FBXO15: variants seen among roughly 807,000 people sequenced by gnomAD.
The protein encoded by FBXO15 is F-box protein 15.
A neutral mutation model predicts 49.5 loss-of-function variants in FBXO15; 30 were observed. That is an observed-to-expected ratio of 0.61 (90% CI 0.45 to 0.82). FBXO15 has a LOEUF of 0.82. Ranked by LOEUF, FBXO15 falls within the 40% of genes least tolerant of loss-of-function variation. The probability of loss-of-function intolerance (pLI) is 0.00; values close to 1 mark genes in which losing one functional copy is unlikely to be tolerated. For missense variants in FBXO15, 591 were observed against 631.5 expected (o/e 0.94, Z 0.69); for synonymous variants, 250 against 232.7 (o/e 1.07, Z -0.68).
chr18:74,111,600 C>A (rs1017514153), intron 8 of FBXO15, among the ~76,000 whole-genome samples: 5 of 151,840 alleles, frequency 3.3e-5, no homozygotes, highest in African/African-American at 1.2e-4. Flanking sequence ...CTGAAATCAA[C>A]AATGTAAGCT....
chr18:74,105,574 G>T (rs543677005), intron 8 of FBXO15, among the ~76,000 whole-genome samples: 2 of 151,796 alleles, frequency 1.3e-5, no homozygotes, highest in South Asian at 4.2e-4. Context: ...TGAGTAGCTG[G>T]GATTACAGGT....
At chr18:74,090,206 A>G (rs563918261) in intron 8 of FBXO15, among the ~76,000 whole-genome samples, 3 of 152,294 alleles carry the variant, frequency 2.0e-5, no homozygotes, top group Non-Finnish European at 4.4e-5. Context: ...TTACGTGCAT[A>G]GAGGTGCTCA....
At chr18:74,142,851 A>G (rs1009595315) in intron 1 of FBXO15, among the ~76,000 whole-genome samples, 1 of 152,232 alleles carries the variant, frequency 6.6e-6, no homozygotes, top group African/African-American at 2.4e-5. Context: ...CAGTAAACAA[A>G]TTTGTAATAC....
At chr18:74,079,669 T>C (rs1912404733) in intron 9 of FBXO15, among the ~76,000 whole-genome samples, 1 of 152,248 alleles carries the variant, frequency 6.6e-6, no homozygotes, top group Non-Finnish European at 1.5e-5. Flanking sequence ...TAAAGTTTAA[T>C]AATTTACCAC....
chr18:74,100,099 A>G (rs1913444379), intron 8 of FBXO15: 1 of 152,222 alleles, frequency 6.6e-6, no homozygotes, highest in Admixed American at 6.5e-5. Flanking sequence ...TATACCCAGC[A>G]ACCACAGAAT....
chr18:74,078,945 T>G (rs1017635999), intron 9 of FBXO15, among the ~76,000 whole-genome samples: 1 of 152,198 alleles, frequency 6.6e-6, no homozygotes, highest in African/African-American at 2.4e-5. Context: ...GCTTGTCAAG[T>G]GAAGTGGCCA....
chr18:74,134,366 A>ATTTTTTTT (rs34748425), intron 3 of FBXO15, among the ~76,000 whole-genome samples: 1 of 119,268 alleles, frequency 8.4e-6, no homozygotes, highest in African/African-American at 3.2e-5. Flanking sequence ...GACCTGGAGA[A>ATTTTTTTT]TTTTTTTTTT....
intron 8 of FBXO15, among the ~76,000 whole-genome samples, chr18:74,087,636 C>A (rs1912804699): frequency 6.6e-6 from 1 of 152,184 alleles, no homozygotes; most frequent in Non-Finnish European, 1.5e-5. Flanking sequence ...TAAGTTGACT[C>A]TATGTCTTTG....
At chr18:74,096,925 A>G (rs1233183155) in intron 8 of FBXO15, 3 of 152,350 alleles carry the variant, frequency 2.0e-5, no homozygotes, top group African/African-American at 7.2e-5. Context: ...GGAAGTAGGA[A>G]AGAGGAATCA....
intron 1 of FBXO15, among the ~76,000 whole-genome samples, chr18:74,141,439 GTACATTATGTATACGCT>G (rs1979070873): frequency 1.3e-5 from 2 of 152,330 alleles, no homozygotes; most frequent in Admixed American, 1.3e-4. Flanking sequence ...ATCCTAGAGA[GTACATTATGTATACGCT>G]CAGTTCACCA....
At chr18:74,147,341 C>A (rs1270106363) in intron 1 of FBXO15, among the ~76,000 whole-genome samples, 3 of 152,030 alleles carry the variant, frequency 2.0e-5, no homozygotes, top group Admixed American at 2.0e-4. Flanking sequence ...AAGGCAGGGG[C>A]GGAGCACACG....
intron 8 of FBXO15, among the ~76,000 whole-genome samples, chr18:74,082,404 T>C (rs760821375): frequency 6.6e-6 from 1 of 152,162 alleles, no homozygotes; most frequent in Non-Finnish European, 1.5e-5. Context: ...AACCGATATC[T>C]AGAATTACAC....
At chr18:74,110,074 C>G (rs1471981810) in intron 8 of FBXO15, among the ~76,000 whole-genome samples, 1 of 151,382 alleles carries the variant, frequency 6.6e-6, no homozygotes, top group Admixed American at 6.6e-5. Flanking sequence ...TAAAAGCTTT[C>G]ACTTCCTTAT....
In FBXO15 at chr18:74,129,624, G is replaced by GAA; in HGVS notation, c.576-12_576-11dup. ...ACCTAAACCAAATATTCTGGAGAAA[G>GAA]AAAAAAAAACTAACAATGTTTGCCT... On this transcript the variant is annotated splice_polypyrimidine_tract_variant and intron_variant, in intron 4 of 9. Transcript: ENST00000419743. The GAA allele has an allele frequency of 2.9e-6, 4 of 1,393,490 alleles. No homozygotes were observed. Among genetic ancestry groups the GAA allele is most frequent in the South Asian group, 3.1e-5 (2 of 63,660 alleles). 86.3% of individuals were successfully genotyped at this position (1,393,490 alleles called of 1,614,324 possible).
chr18:74,113,441 T>C (rs1483973140), intron 8 of FBXO15, among the ~76,000 whole-genome samples: 3 of 152,284 alleles, frequency 2.0e-5, no homozygotes, highest in Middle Eastern at 3.4e-3. Context: ...CCATAAACTA[T>C]GGTAGGACCT....
rs1702508314 is a variant in FBXO15, at chr18:74,074,648, T to C, written c.1264-918A>G. On this transcript the variant is annotated intron_variant, in intron 9 of 9. Coordinates refer to ENST00000419743, the MANE Select transcript of FBXO15 (RefSeq NM_001142958.2). This position sits in a 1 kb window ranked among gnomAD's most constrained non-coding sequence, Gnocchi z 4.7. Reference sequence around the variant, plus strand: ...TTTTCACCCTGCAAGCCATGACCTATTAATGTATCCTGAAGTAAATTTAGC... The same window carrying C: ...TTTTCACCCTGCAAGCCATGACCTACTAATGTATCCTGAAGTAAATTTAGC... Among the ~76,000 whole-genome samples, 1 of 152,224 alleles carries C rather than the reference T, an allele frequency of 6.6e-6. No individual in the cohort carries two copies. The highest frequency in any genetic ancestry group is 2.4e-5 in the African/African-American group (1 of 41,464).
At chr18:74,086,934 G>A (rs1015427093) in intron 8 of FBXO15, among the ~76,000 whole-genome samples, 14 of 152,128 alleles carry the variant, frequency 9.2e-5, no homozygotes, top group African/African-American at 2.4e-4. Context: ...CAGACGTACC[G>A]CAGATTCAGT....
At chr18:74,088,429 G>A (rs1912846091) in intron 8 of FBXO15, among the ~76,000 whole-genome samples, 1 of 152,208 alleles carries the variant, frequency 6.6e-6, no homozygotes, top group Non-Finnish European at 1.5e-5. Context: ...TGGCTAGCCA[G>A]TTATCCCTGC....
At chr18:74,120,774 A>C (rs1943932) in intron 8 of FBXO15, among the ~76,000 whole-genome samples, 27,428 of 152,092 alleles carry the variant, frequency 0.18, 2,820 homozygotes, top group East Asian at 0.27. Flanking sequence ...AGAAAAACAG[A>C]AAATTACAAC....
Sources: gnomAD v4.1 joint callset for allele counts (sites outside exome capture counted in the v4.1 genomes callset) on GRCh38, gnomAD v4.1.1 for gene constraint, Gnocchi (gnomAD v3.1) non-coding constraint, MANE v1.5 for transcripts, NCBI Gene and HGNC (gene_info 2026-07-23, HGNC 2026-07-21) for gene names.